DNAJB14: variants seen among roughly 807,000 people sequenced by gnomAD.
DNAJB14 encodes DnaJ heat shock protein family (Hsp40) member B14.
Under a neutral mutation model 48.4 loss-of-function variants are expected in DNAJB14, and 22 were observed. That is an observed-to-expected ratio of 0.45 (90% CI 0.32 to 0.65). The LOEUF (loss-of-function observed/expected upper bound fraction) is 0.65. Among genes scored for constraint, DNAJB14 ranks in the 30% least tolerant of loss-of-function variants. The pLI is 0.03. For missense variants in DNAJB14, 319 were observed against 458.8 expected (o/e 0.70, Z 2.78); for synonymous variants, 142 against 158.7 (o/e 0.89, Z 0.79).
intron 2 of DNAJB14, 44 bp from the exon 3 acceptor site, chr4:99,923,229 C>T (rs561453475): frequency 1.7e-5 from 26 of 1,529,056 alleles, no homozygotes; most frequent in African/African-American, 9.7e-5. Flanking sequence ...TCAAGGAAGA[C>T]GGTCATGTAA....
chr4:99,941,264 A>G (rs1474760827), intron 1 of DNAJB14, among the ~76,000 whole-genome samples: 1 of 152,156 alleles, frequency 6.6e-6, no homozygotes, highest in East Asian at 1.9e-4. Context: ...GTAAGGGATG[A>G]AGTCAGCAAG....
intron 2 of DNAJB14, chr4:99,929,285 G>T (rs1031970546): frequency 6.6e-6 from 1 of 152,186 alleles, no homozygotes; most frequent in African/African-American, 2.4e-5. Context: ...TAGAAATGAG[G>T]TTTTGCCATG....
At position 99,898,936 on chromosome 4, in the gene DNAJB14, A is replaced by C. The variant is rs1397495219; in HGVS notation, c.*2092T>G. On this transcript the variant is annotated 3_prime_UTR_variant, in exon 8 of 8. Coordinates refer to ENST00000442697, the MANE Select transcript of DNAJB14 (RefSeq NM_001031723.4). ...GACTGAATCTTTACTTGCATACTTC[A>C]TATGTGGCTTAAATTGTCAGGCACT... The C allele has an allele frequency of 6.6e-6, 1 of 151,954 alleles. No homozygotes were observed. Among genetic ancestry groups the C allele is most frequent in the East Asian group, 1.9e-4 (1 of 5,206 alleles). The allele number at this position is 151,954 out of a possible 1,614,324, so 9.4% of individuals were successfully genotyped here. A position where few individuals can be genotyped will look rare whatever the true frequency, so the allele number is the denominator to read the frequency against.
At chr4:99,928,526 T>G in intron 2 of DNAJB14, 1 of 439,450 alleles carries the variant, frequency 2.3e-6, no homozygotes, top group Non-Finnish European at 4.6e-6. Context: ...ACCCCACATA[T>G]ATATATAATC....
chr4:99,938,123 A>C (rs1252156916), intron 1 of DNAJB14, among the ~76,000 whole-genome samples: 1 of 135,404 alleles, frequency 7.4e-6, no homozygotes, highest in Admixed American at 7.4e-5. Flanking sequence ...AAAAAAAAAA[A>C]AAAATAGCTG....
At position 99,896,532 on chromosome 4, in the gene DNAJB14, T is replaced by G. The variant is rs1316901730; in HGVS notation, c.*4496A>C. On this transcript the variant is annotated 3_prime_UTR_variant, in exon 8 of 8. Coordinates refer to ENST00000442697, the MANE Select transcript of DNAJB14 (RefSeq NM_001031723.4). ...CTTCCATTATAATTCCATCAAACCT[T>G]AAAAATTACCTGCAGCTTTTAAAAA... 1 of 152,160 alleles carries G rather than the reference T, an allele frequency of 6.6e-6. No homozygotes were observed. The allele number at this position is 152,160 out of a possible 1,614,324, so 9.4% of individuals were successfully genotyped here.
At chr4:99,921,969 A>C (rs1469061551) in intron 3 of DNAJB14, among the ~76,000 whole-genome samples, 2 of 152,164 alleles carry the variant, frequency 1.3e-5, no homozygotes, top group Non-Finnish European at 2.9e-5. Flanking sequence ...TACATTCTTC[A>C]GGTAATGAAC....
intron 2 of DNAJB14, chr4:99,929,003 A>ATTAT (rs1468187731): frequency 6.5e-6 from 1 of 152,726 alleles, no homozygotes; most frequent in East Asian, 1.9e-4. Context: ...GGTTAGCAGC[A>ATTAT]TTATTTATAT....
intron 3 of DNAJB14, among the ~76,000 whole-genome samples, chr4:99,914,410 C>T (rs1039196436): frequency 3.3e-5 from 5 of 152,174 alleles, no homozygotes; most frequent in Non-Finnish European, 7.4e-5. Context: ...AACCAAACAC[C>T]GCATGTTCTT....
rs1444207959 is a variant in DNAJB14 at position 99,896,375 on chromosome 4, T to A, written c.*4653A>T. 6.6e-6 allele frequency: 1 copy of A among 152,196 alleles called. No homozygotes were observed. Among genetic ancestry groups the A allele is most frequent in the Non-Finnish European group, 1.5e-5 (1 of 68,022 alleles). The allele number at this position is 152,196 out of a possible 1,614,324, so 9.4% of individuals were successfully genotyped here. A position where few individuals can be genotyped will look rare whatever the true frequency, so the allele number is the denominator to read the frequency against. Reference sequence around the variant, plus strand: ...ATGCATTTGAGTTCTCACAGAAAATTTTATGTAAGTCTGATATAACATTAA... The same window carrying A: ...ATGCATTTGAGTTCTCACAGAAAATATTATGTAAGTCTGATATAACATTAA... On this transcript the variant is annotated 3_prime_UTR_variant, in exon 8 of 8. Transcript: ENST00000442697.
Position 99,903,580 on chromosome 4 carries a change from A to AT in DNAJB14, c.1015+145dup, listed in dbSNP as rs1650601182. The AT allele has an allele frequency of 1.8e-5, 14 of 773,966 alleles. No individual in the cohort carries two copies. The South Asian group carries it at 2.3e-4, about 13-fold the overall frequency. The allele number at this position is 773,966 out of a possible 1,614,324, so 47.9% of individuals were successfully genotyped here. A position where few individuals can be genotyped will look rare whatever the true frequency, so the allele number is the denominator to read the frequency against. On this transcript the variant is annotated intron_variant, in intron 7 of 7. Coordinates refer to ENST00000442697, the MANE Select transcript of DNAJB14 (RefSeq NM_001031723.4). ...TCAATTCCGATGTTAGGCCACATGT[A>AT]TATAAAACACATGATCTCATTTAAG...
chr4:99,912,482 C>CT (rs900128294), intron 3 of DNAJB14, among the ~76,000 whole-genome samples: 169 of 143,268 alleles, frequency 1.2e-3, no homozygotes, highest in Admixed American at 1.1e-3. Context: ...GATGACTTGA[C>CT]TTTTTTTTTT....
At chr4:99,941,018 G>A (rs1726873064) in intron 1 of DNAJB14, among the ~76,000 whole-genome samples, 1 of 151,504 alleles carries the variant, frequency 6.6e-6, no homozygotes, top group South Asian at 2.1e-4. Context: ...AATATAGAAG[G>A]CCTTATGGCT....
chr4:99,944,106 G>GGGATATTATAAA (rs1398568566), intron 1 of DNAJB14, among the ~76,000 whole-genome samples: 12 of 151,390 alleles, frequency 7.9e-5, no homozygotes, highest in African/African-American at 2.7e-4. Context: ...CTCCAAAAAT[G>GGGATATTATAAA]GGATATTATA....
chr4:99,940,190 T>A (rs114392499), intron 1 of DNAJB14, among the ~76,000 whole-genome samples: 1 of 152,242 alleles, frequency 6.6e-6, no homozygotes, highest in African/African-American at 2.4e-5. Flanking sequence ...ATTAGCTGAA[T>A]TGAATATCAG....
chr4:99,907,396 C>A (rs759123115), intron 4 of DNAJB14, among the ~76,000 whole-genome samples: 6 of 152,100 alleles, frequency 3.9e-5, no homozygotes, highest in Non-Finnish European at 7.4e-5. Context: ...CCTTGCCAGG[C>A]ATGGTGGCTC....
rs111411205 is a variant in DNAJB14, at chr4:99,923,602, C to G, written c.306-417G>C. Reference sequence around the variant, plus strand: ...CTAAGAATGAACATGCATTACATTCCAAAAATTTTGTTCTTGCATAATGTA... The same window carrying G: ...CTAAGAATGAACATGCATTACATTCGAAAAATTTTGTTCTTGCATAATGTA... On this transcript the variant is annotated intron_variant, in intron 2 of 7. Transcript: ENST00000442697. The G allele has an allele frequency of 7.4e-5, 71 of 959,538 alleles. 1 individual carries two copies. The African/African-American group carries it at 1.1e-3, about 15-fold the overall frequency. The allele number at this position is 959,538 out of a possible 1,614,324, so 59.4% of individuals were successfully genotyped here. A position where few individuals can be genotyped will look rare whatever the true frequency, so the allele number is the denominator to read the frequency against.
chr4:99,916,993 G>T (rs1725880732), intron 3 of DNAJB14, among the ~76,000 whole-genome samples: 1 of 152,108 alleles, frequency 6.6e-6, no homozygotes, highest in Non-Finnish European at 1.5e-5. Flanking sequence ...AAATTAGCTG[G>T]GTGTGGTGGC....
chr4:99,915,262 C>T (rs752673986), intron 3 of DNAJB14, among the ~76,000 whole-genome samples: 12 of 152,126 alleles, frequency 7.9e-5, no homozygotes, highest in Non-Finnish European at 1.3e-4. Context: ...CTCAGCCTCC[C>T]GAGTAGCTGG....
Sources: allele counts gnomAD v4.1 joint callset (sites outside exome capture counted in the v4.1 genomes callset), GRCh38; gene constraint gnomAD v4.1.1; transcripts MANE v1.5; gene names NCBI Gene and HGNC (gene_info 2026-07-23, HGNC 2026-07-21).